Variants in FGF18 observed in about 807,000 individuals in gnomAD.
FGF18 encodes the protein fibroblast growth factor 18.
FGF18 carries 5 observed loss-of-function variants against 23.0 expected under a neutral mutation model. The ratio of observed to expected loss-of-function variants is 0.22; its 90% CI spans 0.11 to 0.46. FGF18 has a LOEUF of 0.46. FGF18 is among the 20% of genes least tolerant of loss of function. FGF18 has a pLI of 0.99. For synonymous variants in FGF18, 117 were observed against 118.9 expected (o/e 0.98, Z 0.10); for missense variants, 180 against 291.6 (o/e 0.62, Z 2.79).
intron 2 of FGF18, among the ~76,000 whole-genome samples, chr5:171,430,934 T>G (rs1772174124): frequency 6.6e-6 from 1 of 152,112 alleles, no homozygotes; most frequent in Admixed American, 6.5e-5. Flanking sequence ...GTGGGTTGAC[T>G]GGGGGTGAAG....
At chr5:171,454,740 G>A (rs527479897) in intron 4 of FGF18, among the ~76,000 whole-genome samples, 5 of 152,336 alleles carry the variant, frequency 3.3e-5, no homozygotes, top group Admixed American at 6.5e-5. Flanking sequence ...CAGCCAGACC[G>A]CTGGGCTTCC....
chr5:171,447,928 C>T (rs933051054), intron 3 of FGF18, among the ~76,000 whole-genome samples: 7 of 151,856 alleles, frequency 4.6e-5, no homozygotes, highest in East Asian at 1.9e-4. Context: ...GGGAGTGGGG[C>T]GGTCACAGGC....
chr5:171,449,427 GGA>G (rs753821843), intron 4 of FGF18, among the ~76,000 whole-genome samples, 174 bp downstream of exon 4: 1 of 146,556 alleles, frequency 6.8e-6, no homozygotes. Context: ...GAGAGAGACA[GGA>G]GAGAGAGAGA....
intron 4 of FGF18, among the ~76,000 whole-genome samples, chr5:171,455,928 GT>G (rs1772574023): frequency 6.6e-6 from 1 of 152,178 alleles, no homozygotes; most frequent in Non-Finnish European, 1.5e-5. Flanking sequence ...TAATTGGAGG[GT>G]GGGGGAAAGA....
chr5:171,420,595 C>T, intron 2 of FGF18, 152 bp downstream of exon 2: 2 of 738,244 alleles, frequency 2.7e-6, no homozygotes, highest in Non-Finnish European at 4.4e-6. Context: ...GGCGGCTCCG[C>T]GTGCGCCCTG....
chr5:171,435,794 T>C (rs1772236357), intron 2 of FGF18, among the ~76,000 whole-genome samples: 1 of 152,178 alleles, frequency 6.6e-6, no homozygotes, highest in Non-Finnish European at 1.5e-5. Context: ...GAATCGTTCT[T>C]GCTTTAATAT....
intron 2 of FGF18, among the ~76,000 whole-genome samples, chr5:171,427,696 C>G (rs146099745): frequency 4.0e-4 from 61 of 152,348 alleles, no homozygotes; most frequent in African/African-American, 1.0e-3. Context: ...TGCTGCATAC[C>G]TGGCCCTGGA....
intron 4 of FGF18, among the ~76,000 whole-genome samples, chr5:171,450,101 C>A (rs571711448): frequency 2.2e-5 from 3 of 139,040 alleles, no homozygotes; most frequent in Non-Finnish European, 3.1e-5. Context: ...TTTGCCTGGA[C>A]AGGTGGAGTG....
chr5:171,427,325 GTAAT>G (rs1772106336), intron 2 of FGF18, among the ~76,000 whole-genome samples: 1 of 152,212 alleles, frequency 6.6e-6, no homozygotes, highest in Non-Finnish European at 1.5e-5. Context: ...TTTAGTAAAA[GTAAT>G]TGTTCAATCA....
chr5:171,435,067 G>A (rs1384974751), intron 2 of FGF18, among the ~76,000 whole-genome samples: 1 of 152,184 alleles, frequency 6.6e-6, no homozygotes, highest in Admixed American at 6.5e-5. Flanking sequence ...CAAAGGCCCT[G>A]GGGCAGGAGT....
chr5:171,449,117 T>C, intron 3 of FGF18, 30 bp from the exon 4 acceptor site: 1 of 1,518,388 alleles, frequency 6.6e-7, no homozygotes, highest in East Asian at 2.3e-5. Context: ...GGTAATAAAA[T>C]GTGTCTTGTT....
Position 171,420,446 on chromosome 5 carries a change from A to G in FGF18, c.69+3A>G. 1 of 1,613,160 alleles carries G rather than the reference A, an allele frequency of 6.2e-7. No homozygotes were observed. The highest frequency in any genetic ancestry group is 8.5e-7 in the Non-Finnish European group (1 of 1,179,656). On this transcript the variant is annotated splice_donor_region_variant and intron_variant, in intron 2 of 4. Coordinates refer to ENST00000274625, the MANE Select transcript of FGF18 (RefSeq NM_003862.3). ...TGCTGCTGTGCTTCCAGGTACAGGT[A>G]CGTGGGCTCCTGACTTTGACCTCCT...
chr5:171,449,343 C>G, intron 4 of FGF18, 90 bp downstream of exon 4: 1 of 653,734 alleles, frequency 1.5e-6, no homozygotes, highest in Non-Finnish European at 2.7e-6. Flanking sequence ...ACTGTCAGTC[C>G]CAAATGGAAA....
rs145212235 is a variant in FGF18, at chr5:171,437,204, G to A, written c.250+931G>A. Reference sequence around the variant, plus strand: ...TGGGGCCAAACCTGCCAGCCTGAGCGTTTTTGGGACGATGCCCCGCCTGCC... The same window carrying A: ...TGGGGCCAAACCTGCCAGCCTGAGCATTTTTGGGACGATGCCCCGCCTGCC... On this transcript the variant is annotated intron_variant, in intron 3 of 4. Transcript: ENST00000274625. Among the ~76,000 whole-genome samples, 399 of 152,304 alleles carry A rather than the reference G, an allele frequency of 2.6e-3. 1 individual carries two copies. Among genetic ancestry groups the A allele is most frequent in the African/African-American group, 8.6e-3 (356 of 41,568 alleles).
In FGF18 at chr5:171,436,998, A is replaced by G. The variant is rs545538752; in HGVS notation, c.250+725A>G. 5.9e-5 allele frequency among the ~76,000 whole-genome samples: 9 copies of G among 152,354 alleles called. No homozygotes were observed. Among genetic ancestry groups the G allele is most frequent in the African/African-American group, 1.9e-4 (8 of 41,586 alleles). Reference sequence around the variant, plus strand: ...GACAGACACTGAGCAAATACCACGCAGATTATTTATTTAAAATTGCCAGGC... The same window carrying G: ...GACAGACACTGAGCAAATACCACGCGGATTATTTATTTAAAATTGCCAGGC... On this transcript the variant is annotated intron_variant, in intron 3 of 4. Transcript: ENST00000274625. The surrounding 1 kb of genome is among the most constrained non-coding windows in gnomAD (Gnocchi z 4.4).
chr5:171,428,580 G>C (rs542668116), intron 2 of FGF18, among the ~76,000 whole-genome samples: 56 of 152,344 alleles, frequency 3.7e-4, no homozygotes, highest in African/African-American at 1.3e-3. Context: ...GCAGGCATAT[G>C]GAACGGTGCT....
In FGF18 at chr5:171,440,316, C is replaced by CG. The variant is rs1772323620; in HGVS notation, c.250+4045dup. ...TCCAGAAAGGACCTGAGGGAAGAAG[C>CG]GGTACTCCTGTCTGCTGTCAGTGGG... On this transcript the variant is annotated intron_variant, in intron 3 of 4. Coordinates refer to ENST00000274625, the MANE Select transcript of FGF18 (RefSeq NM_003862.3). The surrounding 1 kb of genome is among the most constrained non-coding windows in gnomAD (Gnocchi z 4.0). Among the ~76,000 whole-genome samples the CG allele has an allele frequency of 6.6e-6, 1 of 151,968 alleles. No individual in the cohort carries two copies. Among genetic ancestry groups the CG allele is most frequent in the African/African-American group, 2.4e-5 (1 of 41,362 alleles).
chr5:171,432,693 G>A (rs1772198795), intron 2 of FGF18, among the ~76,000 whole-genome samples: 1 of 152,208 alleles, frequency 6.6e-6, no homozygotes, highest in African/African-American at 2.4e-5. Context: ...GCCTTCCAAA[G>A]TGCTGAGCCA....
At chr5:171,426,949 C>T (rs557467545) in intron 2 of FGF18, among the ~76,000 whole-genome samples, 1 of 152,300 alleles carries the variant, frequency 6.6e-6, no homozygotes, top group Non-Finnish European at 1.5e-5. Flanking sequence ...TGGCTCACGC[C>T]TATAATCCCA....
Sources: gnomAD v4.1 joint callset for allele counts (sites outside exome capture counted in the v4.1 genomes callset) on GRCh38, gnomAD v4.1.1 for gene constraint, Gnocchi (gnomAD v3.1) non-coding constraint, MANE v1.5 for transcripts, NCBI Gene and HGNC (gene_info 2026-07-23, HGNC 2026-07-21) for gene names.